The following WASF2 variants were observed in gnomAD, a reference collection of about 807,000 sequenced individuals.
WASF2 encodes WASP family member 2.
A neutral mutation model predicts 45.0 loss-of-function variants in WASF2; 14 were observed. The observed-to-expected ratio is 0.31, with a 90% confidence interval of 0.21 to 0.49. The LOEUF is 0.49. WASF2 is among the 20% of genes least tolerant of loss of function. The pLI, the probability that WASF2 is intolerant of heterozygous loss-of-function variation, is 0.99. For synonymous variants in WASF2, 200 were observed against 236.3 expected (o/e 0.85, Z 1.41); for missense variants, 439 against 636.1 (o/e 0.69, Z 3.33).
intron 1 of WASF2, among the ~76,000 whole-genome samples, chr1:27,481,503 A>T (rs762410677): frequency 2.6e-5 from 4 of 152,194 alleles, no homozygotes; most frequent in Non-Finnish European, 5.9e-5. Flanking sequence ...GTTTGAGACC[A>T]GCCTGGCCAA....
intron 1 of WASF2, among the ~76,000 whole-genome samples, chr1:27,487,075 T>C (rs1451349227): frequency 2.0e-5 from 3 of 147,428 alleles, no homozygotes; most frequent in Admixed American, 6.9e-5. Context: ...ATATAAAATA[T>C]AGATTATATA....
At chr1:27,415,049 C>A in intron 5 of WASF2, 86 bp from the exon 6 acceptor site, 2 of 1,504,684 alleles carry the variant, frequency 1.3e-6, no homozygotes, top group Non-Finnish European at 9.1e-7. Context: ...GGATGCGTAT[C>A]TAAGAGATAA....
intron 1 of WASF2, among the ~76,000 whole-genome samples, chr1:27,473,324 C>A (rs1260856094): frequency 6.6e-6 from 1 of 150,990 alleles, no homozygotes; most frequent in Non-Finnish European, 1.5e-5. Flanking sequence ...ACTAAAAATA[C>A]AAAAAATTAG....
At chr1:27,416,287 T>C (rs1215546240) in intron 4 of WASF2, among the ~76,000 whole-genome samples, 185 bp from the exon 5 acceptor site, 2 of 152,228 alleles carry the variant, frequency 1.3e-5, no homozygotes, top group East Asian at 1.9e-4. Flanking sequence ...TCTCTACTTA[T>C]CAGACTTTTT....
chr1:27,431,652 G>C (rs1012936917), intron 1 of WASF2, among the ~76,000 whole-genome samples: 1 of 152,180 alleles, frequency 6.6e-6, no homozygotes, highest in Non-Finnish European at 1.5e-5. Context: ...GGGCATTCTG[G>C]ACTTTCCCTC....
chr1:27,434,518 A>G (rs2017105920), intron 1 of WASF2, among the ~76,000 whole-genome samples: 1 of 152,176 alleles, frequency 6.6e-6, no homozygotes, highest in South Asian at 2.1e-4. Flanking sequence ...GATTATAGCC[A>G]TGAATCATGC....
At chr1:27,439,202 A>G (rs1384376284) in intron 1 of WASF2, among the ~76,000 whole-genome samples, 2 of 152,236 alleles carry the variant, frequency 1.3e-5, no homozygotes, top group African/African-American at 4.8e-5. Flanking sequence ...TTAAATCATT[A>G]TCATGACCCC....
chr1:27,432,475 C>T (rs1258532037), intron 1 of WASF2, among the ~76,000 whole-genome samples: 4 of 151,262 alleles, frequency 2.6e-5, no homozygotes, highest in South Asian at 4.2e-4. Flanking sequence ...GGTGAAACGC[C>T]GTCTCTACTA....
chr1:27,415,174 C>A (rs547388259), intron 5 of WASF2, among the ~76,000 whole-genome samples: 27 of 152,340 alleles, frequency 1.8e-4, no homozygotes, highest in African/African-American at 6.5e-4. Flanking sequence ...CAATCCCACA[C>A]TCAAATGCCT....
At chr1:27,421,836 C>T (rs962843031) in intron 2 of WASF2, among the ~76,000 whole-genome samples, 4 of 151,654 alleles carry the variant, frequency 2.6e-5, no homozygotes, top group Admixed American at 6.6e-5. Context: ...ATTAGCTGGG[C>T]GTGGTGGCGG....
intron 1 of WASF2, among the ~76,000 whole-genome samples, chr1:27,486,479 A>G (rs1298365878): frequency 6.6e-6 from 1 of 152,196 alleles, no homozygotes; most frequent in Admixed American, 6.6e-5. Flanking sequence ...CTTCACAACT[A>G]TCACATACAC....
At chr1:27,448,573 A>G (rs1233255021) in intron 1 of WASF2, among the ~76,000 whole-genome samples, 2 of 152,150 alleles carry the variant, frequency 1.3e-5, no homozygotes, top group Non-Finnish European at 2.9e-5. Context: ...TCCACTGGCC[A>G]GGCACAATAG....
rs770460293 is a variant in WASF2 at position 27,412,676 on chromosome 1, G to A, written c.720C>T (p.Asn240=). 1.4e-5 allele frequency: 22 copies of A among 1,614,050 alleles called. No homozygotes were observed. Among genetic ancestry groups the A allele is most frequent in the East Asian group, 8.9e-5 (4 of 44,892 alleles). ...YQNGSIGCVE[N]VDASSYPPPP... Reference sequence around the variant, plus strand: ...GTGGCGGATAGCTACTTGCATCCACGTTTTCAACACAGCCAATGCTGCCAT... The same window carrying A: ...GTGGCGGATAGCTACTTGCATCCACATTTTCAACACAGCCAATGCTGCCAT... Residue 240 remains asparagine, a synonymous_variant, in exon 7 of 9, where the codon AAC becomes AAT. Transcript: ENST00000618852.
In WASF2 at chr1:27,427,783, T is replaced by C. The variant is rs138412012; in HGVS notation, c.130+978A>G. On this transcript the variant is annotated intron_variant, in intron 2 of 8. Coordinates refer to ENST00000618852, the MANE Select transcript of WASF2 (RefSeq NM_006990.5). The stretch of plus-strand genomic sequence containing the variant: ...GCCTTCACTAAGGGCAGTGATGCGA[T>C]AGGAGGGGTGACTATCTGAAATAAT... Among the ~76,000 whole-genome samples the C allele has an allele frequency of 6.9e-4, 105 of 152,262 alleles. No homozygotes were observed. In the East Asian group the frequency reaches 0.019, roughly 28 times the overall value.
chr1:27,479,593 G>A (rs1213661914), intron 1 of WASF2, among the ~76,000 whole-genome samples: 3 of 152,170 alleles, frequency 2.0e-5, no homozygotes, highest in South Asian at 2.1e-4. Context: ...GGCCTGGCAC[G>A]GTGGCTCACG....
intron 1 of WASF2, among the ~76,000 whole-genome samples, chr1:27,442,335 A>G (rs911548667): frequency 1.3e-5 from 2 of 152,198 alleles, no homozygotes; most frequent in Admixed American, 1.3e-4. Context: ...CACAAGGTCA[A>G]GAGTTCAAGA....
chr1:27,474,685 G>A (rs534981765), intron 1 of WASF2, among the ~76,000 whole-genome samples: 3 of 151,584 alleles, frequency 2.0e-5, no homozygotes, highest in South Asian at 2.1e-4. Context: ...CAGGAGAATC[G>A]CGCCTAAACC....
At chr1:27,421,066 A>G (rs892729936) in intron 2 of WASF2, among the ~76,000 whole-genome samples, 4 of 152,218 alleles carry the variant, frequency 2.6e-5, no homozygotes, top group African/African-American at 9.6e-5. Flanking sequence ...AATCAACTGC[A>G]TATTTTGAAT....
At position 27,467,194 on chromosome 1, in the gene WASF2, T is replaced by C. The variant is rs543915913; in HGVS notation, c.-44+22792A>G. On this transcript the variant is annotated intron_variant, in intron 1 of 8. Transcript: ENST00000618852. ...ATGCCACACTGCACTACAGCCTGGGTGTCAGAGTGAGACCTTGTCTCAAAA... is the reference window on the plus strand; with the variant it reads ...ATGCCACACTGCACTACAGCCTGGGCGTCAGAGTGAGACCTTGTCTCAAAA... 3.5e-5 allele frequency among the ~76,000 whole-genome samples: 5 copies of C among 140,884 alleles called. No homozygotes were observed. The East Asian group carries it at 6.2e-4, about 17-fold the overall frequency. The allele number at this position is 140,884 out of a possible 152,430, so 92.4% of individuals were successfully genotyped here.
Sources: allele counts gnomAD v4.1 joint callset (sites outside exome capture counted in the v4.1 genomes callset), GRCh38; gene constraint gnomAD v4.1.1; transcripts MANE v1.5; gene names NCBI Gene and HGNC (gene_info 2026-07-23, HGNC 2026-07-21).